Variants in PRSS41 observed in about 807,000 individuals in gnomAD.
The protein encoded by PRSS41 is serine protease 41.
Under a neutral mutation model 28.8 loss-of-function variants are expected in PRSS41, and 37 were observed. That is an observed-to-expected ratio of 1.29 (90% confidence interval 0.99 to 1.69). The LOEUF (loss-of-function observed/expected upper bound fraction) is 1.69. Ranked by LOEUF, PRSS41 falls within the 40% of genes most tolerant of loss-of-function variation. PRSS41 has a pLI of 0.00. For missense variants in PRSS41, 431 were observed against 400.7 expected, an observed-to-expected ratio of 1.08 and a Z score of -0.65; for synonymous variants, 195 against 163.1, an observed-to-expected ratio of 1.20 and a Z score of -1.49.
At chr16:2,804,950 G>A in exon 6 of PRSS41, 1 of 1,590,000 alleles carries the variant, frequency 6.3e-7, no homozygotes, top group Admixed American at 1.8e-5. Context: ...TGACAAGGAT[G>A]GACTGTGGTA....
Position 2,799,498 on chromosome 16 carries a change from C to G in PRSS41, c.470C>G (p.Ser157Cys), listed in dbSNP as rs1039562630. ...TACATCCAGCCCATTTGCATCGAGT[C>G]TTCCACCTTCAACTTCGTGCACCGG... Residue 157 changes from serine (S) to cysteine (C), a missense_variant, in exon 4 of 6, where the codon TCT becomes TGT. Transcript: ENST00000399677. The G allele has an allele frequency of 5.2e-6, 8 of 1,551,960 alleles. No homozygotes were observed. The African/African-American group carries it at 9.6e-5, about 19-fold the overall frequency.
In PRSS41 at chr16:2,804,115, C is replaced by T. The variant is rs543272992; in HGVS notation, c.542-274C>T. On this transcript the variant is annotated intron_variant, in intron 4 of 5. Transcript: ENST00000399677. ...ATGCTTTGGTTGAGAAATTTCTCCG[C>T]GGACTCAGGCAGGGGCTATCATCTC... Among the ~76,000 whole-genome samples the T allele has an allele frequency of 3.9e-4, 60 of 152,290 alleles. 1 individual carries two copies. In the South Asian group the frequency reaches 4.6e-3, roughly 12 times the overall value.
Position 2,799,541 on chromosome 16 carries a change from C to T in PRSS41, c.513C>T (p.Thr171=), listed in dbSNP as rs6500613. 3.1e-3 allele frequency: 4,740 copies of T among 1,551,594 alleles called. 120 individuals carry two copies. In the African/African-American group the frequency reaches 0.055, roughly 18 times the overall value. The change falls in exon 4 of 6, where the codon ACC becomes ACT. Residue 171 remains threonine (T), a synonymous_variant. Coordinates refer to ENST00000399677, the Ensembl canonical transcript of PRSS41. ...TGCACCGGCCGGACTGCTGGGTGAC[C>T]GGCTGGGGGTTAATCAGCCCCAGTG...
chr16:2,800,473 G>A (rs982810493), intron 4 of PRSS41, among the ~76,000 whole-genome samples: 12 of 151,450 alleles, frequency 7.9e-5, no homozygotes, highest in African/African-American at 2.9e-4. Flanking sequence ...CCCGTGAGGG[G>A]CAGAGGTTTC....
exon 6 of PRSS41, chr16:2,805,018 C>T: frequency 6.4e-7 from 1 of 1,566,968 alleles, no homozygotes. Context: ...GGCCTGGTGT[C>T]TACACCAACA....
chr16:2,798,907 T>TGG, intron 2 of PRSS41, 52 bp from the exon 3 acceptor site: 86 of 1,430,932 alleles, frequency 6.0e-5, no homozygotes, highest in Non-Finnish European at 7.2e-5. Flanking sequence ...AGGGCGGGCC[T>TGG]GCCCACCCCA....
Position 2,805,252 on chromosome 16 carries a change from C to G in PRSS41, c.*120C>G, listed in dbSNP as rs1017843679. 1.3e-5 allele frequency: 9 copies of G among 713,096 alleles called. No individual in the cohort carries two copies. In the East Asian group the frequency reaches 2.4e-4, roughly 19 times the overall value. 44.2% of individuals were successfully genotyped at this position (713,096 alleles called of 1,614,324 possible). A position where few individuals can be genotyped will look rare whatever the true frequency, so the allele number is the denominator to read the frequency against. ...ACAGGGTTGGGACTGCCTGCTGGAT[C>G]AGATTCCGGCCCCTTTTGTCTCGTT... On this transcript the variant is annotated 3_prime_UTR_variant, in exon 6 of 6. Coordinates refer to ENST00000399677, the Ensembl canonical transcript of PRSS41.
At chr16:2,800,758 AT>A (rs982147281) in intron 4 of PRSS41, among the ~76,000 whole-genome samples, 7 of 152,204 alleles carry the variant, frequency 4.6e-5, no homozygotes, top group African/African-American at 1.7e-4. Context: ...TCTTTCTTTA[AT>A]AGCAAGTGGA....
chr16:2,799,408 C>A, exon 4 of PRSS41: 1 of 1,552,134 alleles, frequency 6.4e-7, no homozygotes, highest in Non-Finnish European at 8.7e-7. Context: ...AACCCTGACG[C>A]ACTTGGGGTT....
chr16:2,804,673 T>G (rs747538487), intron 5 of PRSS41, 127 bp downstream of exon 5: 20 of 985,372 alleles, frequency 2.0e-5, no homozygotes, highest in Non-Finnish European at 3.0e-5. Flanking sequence ...CAGTGCAGTC[T>G]CAGTTACTGA....
At chr16:2,799,310 G>C in exon 4 of PRSS41, 1 of 1,551,556 alleles carries the variant, frequency 6.4e-7, no homozygotes, top group Non-Finnish European at 8.7e-7. Flanking sequence ...CCGAGTGGAC[G>C]GTCCAGCTGG....
exon 4 of PRSS41, chr16:2,799,342 C>G (rs566571156): frequency 2.6e-6 from 4 of 1,551,788 alleles, no homozygotes; most frequent in East Asian, 2.4e-5. Context: ...TCCAGGCCAA[C>G]TCCTTGGAAC....
exon 6 of PRSS41, chr16:2,805,240 TGCCTGCTGGATCAGATTCCG>T (rs2150801256): frequency 1.2e-6 from 1 of 815,580 alleles, no homozygotes; most frequent in Non-Finnish European, 1.9e-6. Context: ...GGGTTGGGAC[TGCCTGCTGGATCAGATTCCG>T]GCCCCTTTTG....
At chr16:2,803,095 T>A (rs1435639798) in intron 4 of PRSS41, among the ~76,000 whole-genome samples, 3 of 152,160 alleles carry the variant, frequency 2.0e-5, no homozygotes, top group Non-Finnish European at 4.4e-5. Context: ...TAAAAGCGAT[T>A]TTATCAGTCT....
chr16:2,803,581 T>C (rs555618990), intron 4 of PRSS41, among the ~76,000 whole-genome samples: 1 of 152,240 alleles, frequency 6.6e-6, no homozygotes, highest in Non-Finnish European at 1.5e-5. Context: ...AAAGAGGAGT[T>C]ACACACCAAA....
intron 4 of PRSS41, 147 bp from the exon 5 acceptor site, chr16:2,804,242 G>C (rs1310756708): frequency 1.8e-5 from 13 of 741,978 alleles, no homozygotes; most frequent in South Asian, 1.6e-4. Flanking sequence ...GATGCACTGG[G>C]TGCTGGGGAG....
At position 2,798,952 on chromosome 16, in the gene PRSS41, A is replaced by C. The variant is rs879330653; in HGVS notation, c.92-7A>C. ...GCAGCTCAGCCGCGTCCGTCTGTCC[A>C]TCCCAGAGGCCTGCGGCCACCGGGA... On this transcript the variant is annotated splice_polypyrimidine_tract_variant and splice_region_variant and intron_variant, in intron 2 of 5. Coordinates refer to ENST00000399677, the Ensembl canonical transcript of PRSS41. 208 of 1,339,704 alleles carry C rather than the reference A, an allele frequency of 1.6e-4. 2 individuals are homozygous for C. The Admixed American group carries it at 4.6e-3, about 30-fold the overall frequency. The allele number at this position is 1,339,704 out of a possible 1,614,324, so 83.0% of individuals were successfully genotyped here. A position where few individuals can be genotyped will look rare whatever the true frequency, so the allele number is the denominator to read the frequency against.
chr16:2,800,740 A>C (rs547899126), intron 4 of PRSS41, among the ~76,000 whole-genome samples: 104 of 152,156 alleles, frequency 6.8e-4, no homozygotes, highest in African/African-American at 2.5e-3. Context: ...ATTTACCCAA[A>C]AACCTTTTCT....
chr16:2,804,384 T>C lies in PRSS41; in HGVS notation c.542-5T>C. The C allele has an allele frequency of 6.4e-7, 1 of 1,551,268 alleles. No individual in the cohort carries two copies. Among genetic ancestry groups the C allele is most frequent in the Non-Finnish European group, 8.7e-7 (1 of 1,146,918 alleles). On this transcript the variant is annotated splice_polypyrimidine_tract_variant and splice_region_variant and intron_variant, in intron 4 of 5. Transcript: ENST00000399677. ...GGGTGCTGTCCTTTTCTGTCCTATCTCCAGCACCTCTGCCACCTCCTTACA... is the reference window on the plus strand; with the variant it reads ...GGGTGCTGTCCTTTTCTGTCCTATCCCCAGCACCTCTGCCACCTCCTTACA...
Sources: allele counts gnomAD v4.1 joint callset (sites outside exome capture counted in the v4.1 genomes callset), GRCh38; gene constraint gnomAD v4.1.1; transcripts MANE v1.5; gene names NCBI Gene and HGNC (gene_info 2026-07-23, HGNC 2026-07-21).